The following GABRG3 variants were observed in gnomAD, a reference collection of about 807,000 sequenced individuals.
The protein encoded by GABRG3 is gamma-aminobutyric acid receptor subunit gamma-3.
Under a neutral mutation model 48.8 loss-of-function variants are expected in GABRG3, and 25 were observed. That is an observed-to-expected ratio of 0.51 (90% CI 0.37 to 0.72). GABRG3 has a LOEUF of 0.72. Ranked by LOEUF, GABRG3 falls within the 30% of genes least tolerant of loss-of-function variation. The pLI, the probability that GABRG3 is intolerant of heterozygous loss-of-function variation, is 0.00. For synonymous variants in GABRG3, 227 were observed against 217.6 expected (o/e 1.04, Z -0.38); for missense variants, 394 against 577.9 (o/e 0.68, Z 3.26).
chr15:27,237,407 G>A lies in GABRG3; in HGVS notation c.271-89402G>A, dbSNP rs557340101. ...CATGTTTTTCCAAGACTTTTGAAAT[G>A]TGTCCAGTCCTGGGCTGCAGGATCA... On this transcript the variant is annotated intron_variant, in intron 3 of 9. Transcript: ENST00000615808. Among the ~76,000 whole-genome samples the A allele has an allele frequency of 4.6e-5, 7 of 152,328 alleles. No homozygotes were observed. In the East Asian group the frequency reaches 1.4e-3, roughly 29 times the overall value.
chr15:27,452,834 G>A (rs956503284), intron 5 of GABRG3, among the ~76,000 whole-genome samples: 1 of 152,196 alleles, frequency 6.6e-6, no homozygotes, highest in Non-Finnish European at 1.5e-5. Context: ...CGAAGAGGTA[G>A]CTGCAATTCC....
intron 5 of GABRG3, among the ~76,000 whole-genome samples, chr15:27,330,359 C>T (rs932144397): frequency 1.3e-5 from 2 of 152,204 alleles, no homozygotes; most frequent in Non-Finnish European, 2.9e-5. Context: ...TTTCCCTGAA[C>T]CTTCAAATGT....
chr15:27,078,259 G>T (rs932390523), intron 3 of GABRG3, among the ~76,000 whole-genome samples: 2 of 152,136 alleles, frequency 1.3e-5, no homozygotes, highest in African/African-American at 4.8e-5. Flanking sequence ...TCCTCTAAAT[G>T]ACACTGTCAG....
At chr15:27,227,214 C>G (rs60440878) in intron 3 of GABRG3, among the ~76,000 whole-genome samples, 2,644 of 152,226 alleles carry the variant, frequency 0.017, 73 homozygotes, top group African/African-American at 0.061. Context: ...GGCCAGGCTT[C>G]GTAGCTCATG....
At chr15:27,398,150 G>T (rs1438513572) in intron 5 of GABRG3, among the ~76,000 whole-genome samples, 1 of 152,038 alleles carries the variant, frequency 6.6e-6, no homozygotes, top group Non-Finnish European at 1.5e-5. Flanking sequence ...ATAAATGTGG[G>T]TCAAAGACTT....
chr15:27,407,876 G>A (rs563175898), intron 5 of GABRG3, among the ~76,000 whole-genome samples: 52 of 152,306 alleles, frequency 3.4e-4, no homozygotes, highest in African/African-American at 1.2e-3. Flanking sequence ...TACTCTGTAC[G>A]ATATTACAAT....
At chr15:27,470,434 T>C (rs1889753028) in intron 5 of GABRG3, among the ~76,000 whole-genome samples, 1 of 151,908 alleles carries the variant, frequency 6.6e-6, no homozygotes, top group Non-Finnish European at 1.5e-5. Flanking sequence ...GGTTTCACCG[T>C]GTTGGCTATG....
chr15:27,015,018 C>T (rs893511390), intron 2 of GABRG3, among the ~76,000 whole-genome samples: 4 of 152,272 alleles, frequency 2.6e-5, no homozygotes, highest in Middle Eastern at 3.4e-3. Flanking sequence ...TACTGAATAA[C>T]AATCTTCTTT....
intron 3 of GABRG3, among the ~76,000 whole-genome samples, chr15:27,225,965 AATG>A (rs1288984678): frequency 6.6e-6 from 1 of 152,122 alleles, no homozygotes; most frequent in African/African-American, 2.4e-5. Flanking sequence ...TCCCTTTGGA[AATG>A]ATGACCACTT....
At chr15:27,443,962 G>GTT (rs1256730551) in intron 5 of GABRG3, among the ~76,000 whole-genome samples, 2 of 152,084 alleles carry the variant, frequency 1.3e-5, no homozygotes, top group African/African-American at 4.8e-5. Flanking sequence ...ATCAACAAAT[G>GTT]TTATAGTAAT....
intron 6 of GABRG3, among the ~76,000 whole-genome samples, chr15:27,501,380 G>A (rs746222300): frequency 2.0e-5 from 3 of 152,180 alleles, no homozygotes; most frequent in Non-Finnish European, 4.4e-5. Flanking sequence ...AGCTCTACAA[G>A]TCTTCCTGGA....
chr15:27,105,160 C>T (rs1428825287), intron 3 of GABRG3, among the ~76,000 whole-genome samples: 1 of 151,906 alleles, frequency 6.6e-6, no homozygotes, highest in Non-Finnish European at 1.5e-5. Flanking sequence ...ATGTGAAATT[C>T]AGAGTAAGAA....
intron 3 of GABRG3, among the ~76,000 whole-genome samples, chr15:27,251,788 C>T (rs1447967534): frequency 3.9e-5 from 6 of 152,228 alleles, no homozygotes; most frequent in East Asian, 1.9e-4. Context: ...CCTGAGGGCA[C>T]GCAGGGTTCA....
chr15:27,451,483 CAT>C (rs1256693034), intron 5 of GABRG3, among the ~76,000 whole-genome samples: 1 of 152,062 alleles, frequency 6.6e-6, no homozygotes, highest in Admixed American at 6.6e-5. Flanking sequence ...ACTGTATAGA[CAT>C]ATGCAAAAGA....
intron 5 of GABRG3, among the ~76,000 whole-genome samples, chr15:27,350,876 T>TGG: frequency 1.7e-4 from 1 of 5,974 alleles, no homozygotes; most frequent in African/African-American, 8.2e-4. Flanking sequence ...TCCTTGTGAA[T>TGG]GGTGTGTGTG....
At chr15:27,091,313 T>C (rs2140755164) in intron 3 of GABRG3, among the ~76,000 whole-genome samples, 1 of 152,368 alleles carries the variant, frequency 6.6e-6, no homozygotes, top group East Asian at 1.9e-4. Context: ...ACTGTTGCAT[T>C]TCTGGGATAA....
chr15:27,472,960 T>C (rs914714714), intron 5 of GABRG3, among the ~76,000 whole-genome samples: 4 of 152,220 alleles, frequency 2.6e-5, no homozygotes, highest in African/African-American at 4.8e-5. Flanking sequence ...CTCTCATTCC[T>C]GCGTAAATCC....
In GABRG3 at chr15:27,306,679, TATATATGAAC is replaced by T. The variant is rs1566768804; in HGVS notation, c.271-20127_271-20118del. 1.1e-4 allele frequency among the ~76,000 whole-genome samples: 9 copies of T among 80,688 alleles called. No homozygotes were observed. The South Asian group carries it at 2.0e-3, about 18-fold the overall frequency. 52.9% of individuals were successfully genotyped at this position (80,688 alleles called of 152,430 possible). On this transcript the variant is annotated intron_variant, in intron 3 of 9. Coordinates refer to ENST00000615808, the MANE Select transcript of GABRG3 (RefSeq NM_033223.5). ...ATATGAACATGTTTATATATAAACA[TATATATGAAC>T]ATGTTTATATATAAACATATACAAT...
intron 3 of GABRG3, among the ~76,000 whole-genome samples, chr15:27,123,344 C>G (rs895259303): frequency 1.3e-5 from 2 of 152,014 alleles, no homozygotes; most frequent in Admixed American, 6.6e-5. Flanking sequence ...GGAAGTGGGG[C>G]CTTTGGGAGG....
Sources: gnomAD v4.1 joint callset for allele counts (sites outside exome capture counted in the v4.1 genomes callset) on GRCh38, gnomAD v4.1.1 for gene constraint, MANE v1.5 for transcripts, NCBI Gene and HGNC (gene_info 2026-07-23, HGNC 2026-07-21) for gene names.